Variants in TOP6BL observed in about 807,000 individuals in gnomAD.
TOP6BL encodes type 2 DNA topoisomerase 6 subunit B-like.
the TOP6BL span, chr11:66,756,458 G>T: frequency 2.8e-6 from 3 of 1,064,072 alleles, no homozygotes; most frequent in African/African-American, 1.7e-5. Context: ...TCAGTCCCCC[G>T]AGTAGCTGGG....
chr11:66,744,862 T>C, the TOP6BL span: 6 of 1,310,044 alleles, frequency 4.6e-6, no homozygotes, highest in Non-Finnish European at 5.8e-6. Context: ...ACCCTTCGAC[T>C]GGGCGTTGCC....
At chr11:66,772,589 C>G in the TOP6BL span, among the ~76,000 whole-genome samples, 1 of 152,140 alleles carries the variant, frequency 6.6e-6, no homozygotes, top group Non-Finnish European at 1.5e-5. Context: ...GCCAACATGG[C>G]GAAACCCCGT....
chr11:66,762,167 A>G, the TOP6BL span: 5 of 809,102 alleles, frequency 6.2e-6, no homozygotes, highest in East Asian at 2.5e-5. Flanking sequence ...CAGGAAATCA[A>G]TCAAAGCTTT....
chr11:66,835,913 G>T, the TOP6BL span, among the ~76,000 whole-genome samples: 1 of 152,162 alleles, frequency 6.6e-6, no homozygotes, highest in African/African-American at 2.4e-5. Context: ...ATATCTAGGA[G>T]TAGAATTGCT....
the TOP6BL span, chr11:66,828,717 T>C: frequency 5.4e-6 from 1 of 185,406 alleles, no homozygotes; most frequent in South Asian, 1.2e-4. Context: ...CATTTTTAGT[T>C]CCAGATAAGT....
chr11:66,820,807 G>T, the TOP6BL span, among the ~76,000 whole-genome samples: 8 of 152,090 alleles, frequency 5.3e-5, no homozygotes, highest in South Asian at 1.7e-3. Context: ...AATTAAACAG[G>T]ATCCCTTATT....
chr11:66,791,767 C>T, the TOP6BL span, among the ~76,000 whole-genome samples: 1 of 151,862 alleles, frequency 6.6e-6, no homozygotes, highest in Non-Finnish European at 1.5e-5. Flanking sequence ...CTCTAACACC[C>T]AACACCCAAC....
At chr11:66,773,353 CT>C in the TOP6BL span, among the ~76,000 whole-genome samples, 940 of 143,214 alleles carry the variant, frequency 6.6e-3, 10 homozygotes, top group African/African-American at 0.021. Context: ...TGCACCTGGC[CT>C]TTTTTTTTTT....
chr11:66,815,955 C>G, the TOP6BL span: 2 of 1,240,824 alleles, frequency 1.6e-6, no homozygotes, highest in East Asian at 5.2e-5. Context: ...ATCTCCTATT[C>G]TCAGATCCTT....
chr11:66,783,910 C>T, the TOP6BL span, among the ~76,000 whole-genome samples: 2 of 152,222 alleles, frequency 1.3e-5, no homozygotes, highest in Non-Finnish European at 2.9e-5. Flanking sequence ...ACTGCAGCCT[C>T]TACCTCCTGG....
At chr11:66,767,851 C>T in the TOP6BL span, among the ~76,000 whole-genome samples, 5 of 152,154 alleles carry the variant, frequency 3.3e-5, no homozygotes, top group African/African-American at 1.2e-4. Context: ...AGTGCAGTGG[C>T]ATGACCACAG....
At chr11:66,750,789 G>T in the TOP6BL span, among the ~76,000 whole-genome samples, 2 of 149,350 alleles carry the variant, frequency 1.3e-5, no homozygotes, top group East Asian at 4.0e-4. Flanking sequence ...AACCTTAAAT[G>T]CCTGGGCTCA....
the TOP6BL span, among the ~76,000 whole-genome samples, chr11:66,787,480 C>T: frequency 3.4e-5 from 5 of 147,866 alleles, no homozygotes; most frequent in African/African-American, 1.2e-4. Context: ...CTGAGGCAGG[C>T]GGATCACCTA....
At chr11:66,843,465 CTGGGCGGGGA>C in the TOP6BL span, 10 of 1,414,344 alleles carry the variant, frequency 7.1e-6, no homozygotes, top group Non-Finnish European at 7.3e-6. Context: ...AATGGCGGCG[CTGGGCGGGGA>C]TGGGCTGCGA....
chr11:66,842,954 C>G, the TOP6BL span: 1 of 1,553,038 alleles, frequency 6.4e-7, no homozygotes, highest in Non-Finnish European at 8.7e-7. Flanking sequence ...TCAGAGGCCG[C>G]CCCGCGCCGC....
At chr11:66,776,932 TG>T in the TOP6BL span, among the ~76,000 whole-genome samples, 7 of 152,098 alleles carry the variant, frequency 4.6e-5, no homozygotes, top group Non-Finnish European at 1.0e-4. Flanking sequence ...GCAGCTGTAG[TG>T]TCCCAGCTTC....
At chr11:66,774,899 A>C in the TOP6BL span, among the ~76,000 whole-genome samples, 1 of 151,432 alleles carries the variant, frequency 6.6e-6, no homozygotes, top group African/African-American at 2.4e-5. Context: ...AGATTACCGG[A>C]GGTGGGAGTT....
chr11:66,761,576 T>C, the TOP6BL span: 3 of 1,154,328 alleles, frequency 2.6e-6, no homozygotes, highest in Non-Finnish European at 3.6e-6. Context: ...CTGTCTGCTC[T>C]ACTGGCTCTT....
chr11:66,753,373 C>G, the TOP6BL span, among the ~76,000 whole-genome samples: 1 of 150,630 alleles, frequency 6.6e-6, no homozygotes, highest in Non-Finnish European at 1.5e-5. Flanking sequence ...TGGTATGTTA[C>G]TGCTGCTCAC....
Sources: gnomAD v4.1 joint callset for allele counts (sites outside exome capture counted in the v4.1 genomes callset) on GRCh38, gnomAD v4.1.1 for gene constraint, MANE v1.5 for transcripts, NCBI Gene and HGNC (gene_info 2026-07-23, HGNC 2026-07-21) for gene names.